Variants in SH2D4B observed in about 807,000 individuals in gnomAD.
The protein encoded by SH2D4B is SH2 domain-containing protein 4B.
In SH2D4B, 45 loss-of-function variants were observed where a neutral mutation model predicts 61.5. The ratio of observed to expected loss-of-function variants is 0.73; its 90% CI spans 0.58 to 0.94. The LOEUF (loss-of-function observed/expected upper bound fraction) is 0.94. SH2D4B is among the 40% of genes least tolerant of loss of function. The pLI is 0.00. For missense variants in SH2D4B, 572 were observed against 574.2 expected, an observed-to-expected ratio of 1.00 and a Z score of 0.04; for synonymous variants, 224 against 220.4, an observed-to-expected ratio of 1.02 and a Z score of -0.14.
chr10:80,559,141 T>G (rs1250182074), intron 1 of SH2D4B, among the ~76,000 whole-genome samples: 1 of 152,144 alleles, frequency 6.6e-6, no homozygotes, highest in Non-Finnish European at 1.5e-5. Context: ...TTTAGTTGTA[T>G]TTATACTATA....
intron 5 of SH2D4B, among the ~76,000 whole-genome samples, chr10:80,608,026 A>G (rs560381673): frequency 1.5e-4 from 23 of 152,296 alleles, no homozygotes; most frequent in Admixed American, 1.4e-3. Flanking sequence ...CCTCTTGAGT[A>G]GCTGGGAATA....
Position 80,571,527 on chromosome 10 carries a change from A to G in SH2D4B, c.444A>G (p.Glu148=), listed in dbSNP as rs1842043582. ...CGGAGAAGTGGAAAGTGGAGATGGA[A>G]GACCGCAAGGCTGCCAAAGTCCTGG... The part of the protein sequence containing the change: ...ILAEKWKVEM[E]DRKAAKVLEE... The change falls in exon 3 of 8, where the codon GAA becomes GAG. Residue 148 remains glutamate (E), a synonymous_variant. Coordinates refer to ENST00000646907, the MANE Select transcript of SH2D4B (RefSeq NM_001388272.1). The G allele has an allele frequency of 6.2e-7, 1 of 1,614,128 alleles. No individual in the cohort carries two copies. Among genetic ancestry groups the G allele is most frequent in the Non-Finnish European group, 8.5e-7 (1 of 1,180,020 alleles).
At chr10:80,594,568 T>C (rs1842365676) in intron 4 of SH2D4B, among the ~76,000 whole-genome samples, 1 of 152,232 alleles carries the variant, frequency 6.6e-6, no homozygotes, top group Non-Finnish European at 1.5e-5. Flanking sequence ...AATTAATTTT[T>C]CTTGAAATAT....
intron 7 of SH2D4B, among the ~76,000 whole-genome samples, chr10:80,640,475 C>G (rs898175912): frequency 6.6e-6 from 1 of 152,154 alleles, no homozygotes; most frequent in Non-Finnish European, 1.5e-5. Flanking sequence ...TTCTTGGAGG[C>G]TTTGTTCGGT....
chr10:80,626,335 T>C (rs992649072), intron 6 of SH2D4B, among the ~76,000 whole-genome samples: 1 of 152,240 alleles, frequency 6.6e-6, no homozygotes, highest in African/African-American at 2.4e-5. Flanking sequence ...CTTTTATGGT[T>C]GCAACTGAGA....
intron 3 of SH2D4B, among the ~76,000 whole-genome samples, chr10:80,571,927 C>T (rs1010916342): frequency 4.6e-5 from 7 of 152,006 alleles, no homozygotes; most frequent in African/African-American, 1.7e-4. Context: ...TGCCCACCAC[C>T]ACACCCGGCT....
intron 1 of SH2D4B, among the ~76,000 whole-genome samples, chr10:80,553,902 T>A (rs2132108196): frequency 6.6e-6 from 1 of 152,314 alleles, no homozygotes; most frequent in South Asian, 2.1e-4. Flanking sequence ...ACTGTGGCTG[T>A]TTCCCACTTA....
At chr10:80,566,169 GAGA>G (rs1416070571) in intron 1 of SH2D4B, among the ~76,000 whole-genome samples, 2 of 151,048 alleles carry the variant, frequency 1.3e-5, no homozygotes, top group Admixed American at 6.6e-5. Context: ...AGTTTGTTTG[GAGA>G]AGAAGAGCCC....
At chr10:80,642,364 G>A (rs1341870275) in intron 7 of SH2D4B, among the ~76,000 whole-genome samples, 1 of 152,194 alleles carries the variant, frequency 6.6e-6, no homozygotes, top group Non-Finnish European at 1.5e-5. Flanking sequence ...TGAGGCTGCT[G>A]AGTTTTAAAT....
intron 1 of SH2D4B, among the ~76,000 whole-genome samples, chr10:80,565,548 A>C (rs1261301065): frequency 6.6e-6 from 1 of 151,812 alleles, no homozygotes; most frequent in East Asian, 1.9e-4. Context: ...GGCATGCACC[A>C]CCACACCCAA....
intron 6 of SH2D4B, among the ~76,000 whole-genome samples, chr10:80,623,259 T>A (rs988686684): frequency 1.3e-5 from 2 of 152,182 alleles, no homozygotes; most frequent in Non-Finnish European, 2.9e-5. Context: ...TGCCTTACAG[T>A]TCTGGAGGCT....
rs778783340 is a variant in SH2D4B at position 80,571,583 on chromosome 10, G to T, written c.495+5G>T. ...CGCATCCACGAGGAATTCAAGGTGG[G>T]CCAGCGCATGGGGCCCCTGCGTGCG... On this transcript the variant is annotated splice_donor_5th_base_variant and intron_variant, in intron 3 of 7. Transcript: ENST00000646907. 3.8e-4 allele frequency: 614 copies of T among 1,613,016 alleles called. No homozygotes were observed. Among genetic ancestry groups the T allele is most frequent in the Non-Finnish European group, 4.9e-4 (581 of 1,179,838 alleles).
At chr10:80,559,070 A>G (rs966739734) in intron 1 of SH2D4B, among the ~76,000 whole-genome samples, 2 of 151,804 alleles carry the variant, frequency 1.3e-5, no homozygotes, top group Non-Finnish European at 2.9e-5. Flanking sequence ...TGTTTTATTT[A>G]ATTTTTACTT....
At position 80,553,491 on chromosome 10, in the gene SH2D4B, G is replaced by A. The variant is rs148085378; in HGVS notation, c.184+14976G>A. On this transcript the variant is annotated intron_variant, in intron 1 of 7. Transcript: ENST00000646907. ...AACAAATTGCAGACAGGGAAGTAGGGGTTGGAGGTGGGGCGTTGTGGATTT... is the reference window on the plus strand; with the variant it reads ...AACAAATTGCAGACAGGGAAGTAGGAGTTGGAGGTGGGGCGTTGTGGATTT... 1.8e-3 allele frequency among the ~76,000 whole-genome samples: 269 copies of A among 152,330 alleles called. 2 individuals are homozygous for A. Among genetic ancestry groups the A allele is most frequent in the African/African-American group, 6.1e-3 (252 of 41,578 alleles).
At position 80,538,516 on chromosome 10, in the gene SH2D4B, G is replaced by A; in HGVS notation, c.184+1G>A. 1 of 1,383,390 alleles carries A rather than the reference G, an allele frequency of 7.2e-7. No individual in the cohort carries two copies. Among genetic ancestry groups the A allele is most frequent in the Non-Finnish European group, 9.4e-7 (1 of 1,062,106 alleles). The allele number at this position is 1,383,390 out of a possible 1,614,324, so 85.7% of individuals were successfully genotyped here. ...CTCAGGCCTCCAAAGACCAAGCGAG[G>A]TACGTGGCTGGGAGTCACAGAGAGG... On this transcript the variant is annotated splice_donor_variant, in intron 1 of 7. Transcript: ENST00000646907. LOFTEE classifies it high-confidence loss of function. This position sits in a 1 kb window ranked among gnomAD's most constrained non-coding sequence, Gnocchi z 4.8.
At chr10:80,549,203 T>TGTGTGTG (rs59438371) in intron 1 of SH2D4B, among the ~76,000 whole-genome samples, 6,531 of 120,232 alleles carry the variant, frequency 0.054, 345 homozygotes, top group African/African-American at 0.091. Flanking sequence ...TGGGACTTGA[T>TGTGTGTG]TGTGTGTGTG....
intron 1 of SH2D4B, 139 bp from the exon 2 acceptor site, chr10:80,570,015 C>T (rs1294135567): frequency 5.7e-6 from 6 of 1,049,070 alleles, no homozygotes; most frequent in Non-Finnish European, 8.3e-6. Context: ...GCCCCCAGGC[C>T]AGTGTCTCTC....
chr10:80,596,206 G>A (rs1237090983), intron 4 of SH2D4B, among the ~76,000 whole-genome samples: 1 of 152,224 alleles, frequency 6.6e-6, no homozygotes, highest in Non-Finnish European at 1.5e-5. Flanking sequence ...TGTTCCCCTT[G>A]CTCATTGATA....
chr10:80,571,403 G>A (rs766837490), intron 2 of SH2D4B, 28 bp from the exon 3 acceptor site: 1 of 1,610,360 alleles, frequency 6.2e-7, no homozygotes, highest in East Asian at 2.2e-5. Context: ...TTTCACACAA[G>A]CTTATACCTG....
Sources: gnomAD v4.1 joint callset for allele counts (sites outside exome capture counted in the v4.1 genomes callset) on GRCh38, gnomAD v4.1.1 for gene constraint, Gnocchi (gnomAD v3.1) non-coding constraint, MANE v1.5 for transcripts, NCBI Gene and HGNC (gene_info 2026-07-23, HGNC 2026-07-21) for gene names.